LINGO2: variants seen among roughly 807,000 people sequenced by gnomAD.
LINGO2 encodes leucine rich repeat and Ig domain containing 2, also known as leucine-rich repeat and immunoglobulin-like domain-containing nogo receptor-interacting protein 2.
Under a neutral mutation model 30.6 loss-of-function variants are expected in LINGO2, and 14 were observed. The ratio of observed to expected loss-of-function variants is 0.46; its 90% confidence interval spans 0.30 to 0.72. The LOEUF (loss-of-function observed/expected upper bound fraction) is 0.72. LINGO2 is among the 30% of genes least tolerant of loss of function. LINGO2 has a pLI of 0.07. For synonymous variants in LINGO2, 317 were observed against 288.5 expected (o/e 1.10, Z -1.00); for missense variants, 729 against 751.7 (o/e 0.97, Z 0.35).
At chr9:28,118,410 AGG>A (rs1208141437) in intron 4 of LINGO2, among the ~76,000 whole-genome samples, 1 of 152,204 alleles carries the variant, frequency 6.6e-6, no homozygotes, top group African/African-American at 2.4e-5. Flanking sequence ...AAATAATGCC[AGG>A]TTTTCATCAA....
chr9:28,017,529 T>C (rs898619739), intron 4 of LINGO2, among the ~76,000 whole-genome samples: 4 of 152,088 alleles, frequency 2.6e-5, no homozygotes, highest in African/African-American at 7.2e-5. Context: ...AATCAGATCA[T>C]AAATCAATAT....
At chr9:28,590,857 AT>A (rs2135705305) in intron 1 of LINGO2, among the ~76,000 whole-genome samples, 1 of 152,268 alleles carries the variant, frequency 6.6e-6, no homozygotes, top group Non-Finnish European at 1.5e-5. Flanking sequence ...ATACATGCAC[AT>A]GTATGTTTAT....
At chr9:28,055,652 GT>G (rs1824896889) in intron 4 of LINGO2, among the ~76,000 whole-genome samples, 1 of 152,056 alleles carries the variant, frequency 6.6e-6, no homozygotes, top group South Asian at 2.1e-4. Flanking sequence ...TATTAAGTTT[GT>G]TAGGTTTGCT....
the LINGO2 span, among the ~76,000 whole-genome samples, chr9:28,773,941 C>T: frequency 0.079 from 11,964 of 151,764 alleles, 535 homozygotes; most frequent in Non-Finnish European, 0.083. Context: ...AATAATATAA[C>T]TGAGGAATTG....
chr9:28,928,762 G>A, the LINGO2 span, among the ~76,000 whole-genome samples: 48 of 152,096 alleles, frequency 3.2e-4, 1 homozygote, highest in African/African-American at 1.2e-3. Context: ...GTACACTTCT[G>A]ACATGAAATA....
chr9:28,499,113 A>G (rs1819782840), intron 1 of LINGO2, among the ~76,000 whole-genome samples: 2 of 152,164 alleles, frequency 1.3e-5, no homozygotes, highest in African/African-American at 4.8e-5. Context: ...TAACTCTAAC[A>G]TGTTATAACT....
chr9:28,479,858 T>C (rs1423352585), intron 1 of LINGO2, among the ~76,000 whole-genome samples: 1 of 64,728 alleles, frequency 1.5e-5, no homozygotes, highest in African/African-American at 4.7e-5. Context: ...TGTGTGTGTG[T>C]GTGTGTGTGT....
intron 4 of LINGO2, among the ~76,000 whole-genome samples, chr9:28,203,080 C>A (rs1820292918): frequency 6.6e-6 from 1 of 152,036 alleles, no homozygotes; most frequent in South Asian, 2.1e-4. Flanking sequence ...TTTAAAATTA[C>A]AATGAAATGT....
At chr9:28,204,944 T>C (rs1467301218) in intron 4 of LINGO2, among the ~76,000 whole-genome samples, 1 of 152,066 alleles carries the variant, frequency 6.6e-6, no homozygotes, top group African/African-American at 2.4e-5. Context: ...AAACAGAGAA[T>C]TGGCCCACTA....
chr9:28,706,440 A>C, the LINGO2 span, among the ~76,000 whole-genome samples: 4 of 152,184 alleles, frequency 2.6e-5, no homozygotes, highest in African/African-American at 9.6e-5. Context: ...TTAAAAAATT[A>C]ATGTTACTTA....
intron 3 of LINGO2, among the ~76,000 whole-genome samples, chr9:28,321,939 A>T (rs1408908012): frequency 5.9e-5 from 9 of 152,178 alleles, no homozygotes; most frequent in Non-Finnish European, 1.3e-4. Context: ...CAACAATTTA[A>T]TTTTGATGCA....
intron 2 of LINGO2, among the ~76,000 whole-genome samples, chr9:28,420,980 A>C (rs1040193103): frequency 6.6e-6 from 1 of 152,086 alleles, no homozygotes; most frequent in African/African-American, 2.4e-5. Flanking sequence ...GAAATGTTTA[A>C]AGAAAATAAT....
intron 3 of LINGO2, among the ~76,000 whole-genome samples, chr9:28,295,607 G>T (rs1823894253): frequency 6.6e-6 from 1 of 152,156 alleles, no homozygotes; most frequent in Non-Finnish European, 1.5e-5. Flanking sequence ...CAAGCCATCA[G>T]TTATTAATGA....
intron 3 of LINGO2, among the ~76,000 whole-genome samples, chr9:28,319,197 T>C (rs1564119919): frequency 6.6e-6 from 1 of 152,302 alleles, no homozygotes; most frequent in East Asian, 1.9e-4. Context: ...AAATTGGGGC[T>C]TCCATATAGA....
chr9:28,839,933 G>A, the LINGO2 span, among the ~76,000 whole-genome samples: 15 of 152,208 alleles, frequency 9.9e-5, no homozygotes, highest in South Asian at 3.1e-3. Context: ...CCTCCCTCCT[G>A]TGCTCATCAG....
At chr9:28,682,375 C>T in the LINGO2 span, among the ~76,000 whole-genome samples, 7 of 152,128 alleles carry the variant, frequency 4.6e-5, no homozygotes, top group African/African-American at 1.4e-4. Context: ...CAAATATTTG[C>T]CTTAAATTTC....
chr9:29,067,712 A>G, the LINGO2 span, among the ~76,000 whole-genome samples: 2 of 151,060 alleles, frequency 1.3e-5, no homozygotes, highest in Non-Finnish European at 3.0e-5. Context: ...TACAATTCCT[A>G]CCATATAAGA....
At chr9:28,839,436 G>C in the LINGO2 span, among the ~76,000 whole-genome samples, 1 of 152,078 alleles carries the variant, frequency 6.6e-6, no homozygotes, top group Non-Finnish European at 1.5e-5. Flanking sequence ...ATCCAGAGTA[G>C]GTAACTCCTA....
chr9:28,469,645 C>T (rs763234107), intron 2 of LINGO2, among the ~76,000 whole-genome samples: 3 of 151,952 alleles, frequency 2.0e-5, no homozygotes, highest in Non-Finnish European at 4.4e-5. Flanking sequence ...TTTTGCAGAC[C>T]ATAAAGCAGT....
Sources: allele counts gnomAD v4.1 joint callset (sites outside exome capture counted in the v4.1 genomes callset), GRCh38; gene constraint gnomAD v4.1.1; transcripts MANE v1.5; gene names NCBI Gene and HGNC (gene_info 2026-07-23, HGNC 2026-07-21).